Variants in ODF2 observed in about 807,000 individuals in gnomAD.
The protein encoded by ODF2 is outer dense fiber protein 2.
In ODF2, 47 loss-of-function variants were observed where a neutral mutation model predicts 110.2. The ratio of observed to expected loss-of-function variants is 0.43; its 90% CI spans 0.34 to 0.54. ODF2 has a LOEUF of 0.54. Ranked by LOEUF, ODF2 falls within the 20% of genes least tolerant of loss-of-function variation. ODF2 has a pLI of 0.03. For missense variants in ODF2, 812 were observed against 1,054.5 expected (o/e 0.77, Z 3.19); for synonymous variants, 352 against 397.7 (o/e 0.89, Z 1.37).
intron 16 of ODF2, 90 bp downstream of exon 16, chr9:128,492,895 C>A: frequency 3.4e-6 from 4 of 1,168,538 alleles, no homozygotes; most frequent in Non-Finnish European, 3.7e-6. Context: ...TGCCTTTGAC[C>A]CTACCTGATT....
At chr9:128,472,741 T>G (rs1840336935) in intron 6 of ODF2, among the ~76,000 whole-genome samples, 172 bp from the exon 7 acceptor site, 1 of 152,220 alleles carries the variant, frequency 6.6e-6, no homozygotes, top group Non-Finnish European at 1.5e-5. Context: ...CAGATGTAAC[T>G]TCTGGCCCTG....
chr9:128,483,409 CAAAATT>C (rs1265224247), intron 10 of ODF2, among the ~76,000 whole-genome samples: 5 of 151,804 alleles, frequency 3.3e-5, no homozygotes, highest in East Asian at 1.9e-4. Flanking sequence ...CCCATCTCTA[CAAAATT>C]AAAATTAAAA....
At chr9:128,482,757 C>A in intron 9 of ODF2, 59 bp from the exon 10 acceptor site, 1 of 1,375,224 alleles carries the variant, frequency 7.3e-7, no homozygotes, top group Non-Finnish European at 1.0e-6. Context: ...CTCTGTCCTC[C>A]CTGGGCCGGG....
intron 4 of ODF2, among the ~76,000 whole-genome samples, chr9:128,467,049 ATAT>A: frequency 8.5e-6 from 1 of 117,516 alleles, no homozygotes; most frequent in Admixed American, 9.5e-5. Context: ...ATATATATAT[ATAT>A]ATATAGTCAT....
At chr9:128,470,852 A>G (rs1387786100) in intron 5 of ODF2, among the ~76,000 whole-genome samples, 2 of 151,896 alleles carry the variant, frequency 1.3e-5, no homozygotes, top group Non-Finnish European at 2.9e-5. Flanking sequence ...GATTGCACCC[A>G]TAAGGCCCTG....
rs116020678 is a variant in ODF2, at chr9:128,460,393, C to T, written c.124-549C>T. ...AGGAGCCTGCTGAATGATACTCCCG[C>T]CTTACTCCCTGCCTGCATGCCAGTA... On this transcript the variant is annotated intron_variant, in intron 3 of 20. Coordinates refer to ENST00000604420, the Ensembl canonical transcript of ODF2. 4.5e-4 allele frequency: 635 copies of T among 1,425,366 alleles called. 2 individuals are homozygous for T. In the African/African-American group the frequency reaches 7.3e-3, roughly 16 times the overall value. 88.3% of individuals were successfully genotyped at this position (1,425,366 alleles called of 1,614,324 possible). A position where few individuals can be genotyped will look rare whatever the true frequency, so the allele number is the denominator to read the frequency against.
chr9:128,456,496 GCTCTGCCCCTC>G, intron 1 of ODF2: 1 of 1,526,692 alleles, frequency 6.6e-7, no homozygotes. Context: ...CTACCACGGG[GCTCTGCCCCTC>G]CTCTGCCGCC....
At chr9:128,476,785 C>T (rs1485911029) in intron 8 of ODF2, among the ~76,000 whole-genome samples, 2 of 151,398 alleles carry the variant, frequency 1.3e-5, no homozygotes, top group African/African-American at 2.4e-5. Context: ...ATTACAGGTG[C>T]GTGCCACCAT....
chr9:128,496,055 G>A, exon 18 of ODF2: 1 of 1,613,796 alleles, frequency 6.2e-7, no homozygotes, highest in Non-Finnish European at 8.5e-7. Context: ...AACACCAGGG[G>A]GACAAGCTGG....
intron 5 of ODF2, chr9:128,469,578 T>C: frequency 1.8e-6 from 1 of 546,458 alleles, no homozygotes; most frequent in Non-Finnish European, 3.2e-6. Flanking sequence ...GTCCTGGTGC[T>C]CCACATGGGT....
chr9:128,463,227 A>C (rs1280781901), intron 4 of ODF2, among the ~76,000 whole-genome samples: 2 of 152,210 alleles, frequency 1.3e-5, no homozygotes, highest in African/African-American at 4.8e-5. Flanking sequence ...ATGCCACTGC[A>C]TAGCCTGTGT....
intron 16 of ODF2, among the ~76,000 whole-genome samples, 183 bp downstream of exon 16, chr9:128,492,988 G>GT (rs1844891862): frequency 6.7e-6 from 1 of 149,128 alleles, no homozygotes; most frequent in Non-Finnish European, 1.5e-5. Flanking sequence ...TCTCTTTCTT[G>GT]TTTCCTCTCT....
At chr9:128,496,447 C>A in intron 18 of ODF2, 1 of 838,274 alleles carries the variant, frequency 1.2e-6, no homozygotes, top group Non-Finnish European at 1.7e-6. Flanking sequence ...TTGAATGGAG[C>A]AGCCAGTATA....
At chr9:128,457,324 A>G (rs1320870371) in exon 2 of ODF2, 1 of 1,610,264 alleles carries the variant, frequency 6.2e-7, no homozygotes, top group Non-Finnish European at 8.5e-7. Context: ...TGAGAGGCTC[A>G]TTGACAAGCC....
At chr9:128,492,706 G>A in exon 16 of ODF2, 2 of 1,614,010 alleles carry the variant, frequency 1.2e-6, no homozygotes, top group Middle Eastern at 1.6e-4. Context: ...CCTAGGTGAT[G>A]AAGACCAGAT....
chr9:128,482,896 C>CTTT lies in ODF2; in HGVS notation c.987+26_987+28dup, dbSNP rs11290748. The CTTT allele has an allele frequency of 6.4e-5, 85 of 1,323,418 alleles. No homozygotes were observed. The highest frequency in any genetic ancestry group is 2.6e-4 in the East Asian group (10 of 38,104). 82.0% of individuals were successfully genotyped at this position (1,323,418 alleles called of 1,614,324 possible). A position where few individuals can be genotyped will look rare whatever the true frequency, so the allele number is the denominator to read the frequency against. On this transcript the variant is annotated intron_variant, in intron 10 of 20. Transcript: ENST00000604420. ...AAATACAATGTGAGAAGGTAGTGTG[C>CTTT]TTTTTTTTTTTTTTTTTTTAGACGG... is the stretch of plus-strand genomic sequence containing the variant.
At chr9:128,469,430 C>A in intron 5 of ODF2, 77 bp downstream of exon 5, 1 of 1,496,888 alleles carries the variant, frequency 6.7e-7, no homozygotes, top group South Asian at 1.1e-5. Flanking sequence ...CCTGCCTGGT[C>A]CCTCAGCCTG....
intron 14 of ODF2, 66 bp downstream of exon 14, chr9:128,488,091 C>G (rs1329509029): frequency 1.3e-6 from 2 of 1,582,512 alleles, no homozygotes; most frequent in Non-Finnish European, 8.6e-7. Context: ...GGGGTCTTGT[C>G]TTACGTGGGC....
chr9:128,456,933 G>T (rs755044918), intron 1 of ODF2: 388 of 1,252,128 alleles, frequency 3.1e-4, no homozygotes, highest in Non-Finnish European at 3.9e-4. Flanking sequence ...TCTCCTAGGA[G>T]ACAGTTGTCC....
Sources: allele counts gnomAD v4.1 joint callset (sites outside exome capture counted in the v4.1 genomes callset), GRCh38; gene constraint gnomAD v4.1.1; transcripts MANE v1.5; gene names NCBI Gene and HGNC (gene_info 2026-07-23, HGNC 2026-07-21).